The following HDAC2 variants were observed in gnomAD, a reference collection of about 807,000 sequenced individuals.
HDAC2 encodes histone deacetylase 2.
Under a neutral mutation model 68.5 loss-of-function variants are expected in HDAC2, and 5 were observed. That is an observed-to-expected ratio of 0.07 (90% confidence interval 0.04 to 0.15). The LOEUF (loss-of-function observed/expected upper bound fraction) is 0.15, where lower values mean the gene tolerates loss of function less well. Among genes scored for constraint, HDAC2 ranks in the 10% least tolerant of loss-of-function variants. The pLI, the probability that HDAC2 is intolerant of heterozygous loss-of-function variation, is 1.00. For synonymous variants in HDAC2, 182 were observed against 191.3 expected (o/e 0.95, Z 0.40); for missense variants, 291 against 600.8 (o/e 0.48, Z 5.39).
chr6:113,947,045 C>T lies in HDAC2; in HGVS notation c.842-897G>A, dbSNP rs1342175103. ...GTATACTGTGGGAATTTTCATTAAG[C>T]ATTCTTCAATAGTTGCAACATGTGA... On this transcript the variant is annotated intron_variant, in intron 8 of 13. Transcript: ENST00000519065. 2.0e-5 allele frequency: 3 copies of T among 152,212 alleles called. No homozygotes were observed. In the East Asian group the frequency reaches 5.8e-4, roughly 29 times the overall value. 9.4% of individuals were successfully genotyped at this position (152,212 alleles called of 1,614,324 possible). A position where few individuals can be genotyped will look rare whatever the true frequency, so the allele number is the denominator to read the frequency against.
intron 1 of HDAC2, among the ~76,000 whole-genome samples, chr6:113,966,565 A>C (rs1453835203): frequency 6.6e-6 from 1 of 151,872 alleles, no homozygotes; most frequent in Non-Finnish European, 1.5e-5. Context: ...TCAAAAAAAA[A>C]AAAAAAGTAT....
intron 6 of HDAC2, among the ~76,000 whole-genome samples, chr6:113,949,844 T>C (rs971713499): frequency 6.6e-6 from 1 of 152,040 alleles, no homozygotes; most frequent in African/African-American, 2.4e-5. Flanking sequence ...CGCAATGGCG[T>C]GATCTCAGCT....
intron 5 of HDAC2, among the ~76,000 whole-genome samples, chr6:113,955,029 T>TA (rs1582488270): frequency 6.6e-6 from 1 of 152,280 alleles, no homozygotes; most frequent in East Asian, 1.9e-4. Flanking sequence ...ACTCAATAGG[T>TA]AAAAAAATTT....
chr6:113,949,310 T>C lies in HDAC2; in HGVS notation c.640-50A>G, dbSNP rs1186183025. On this transcript the variant is annotated intron_variant, in intron 6 of 13. Transcript: ENST00000519065. ...TTAGAGAATATTCTATAATAAAAAG[T>C]TTGGCATTTGTTTACTACATTTTGA... 4.2e-6 allele frequency: 5 copies of C among 1,194,704 alleles called. No homozygotes were observed. The South Asian group carries it at 5.1e-5, about 12-fold the overall frequency. The allele number at this position is 1,194,704 out of a possible 1,614,324, so 74.0% of individuals were successfully genotyped here.
intron 1 of HDAC2, chr6:113,969,680 A>G (rs942523683): frequency 1.3e-5 from 2 of 152,222 alleles, no homozygotes; most frequent in African/African-American, 4.8e-5. Context: ...GCAAGAAAAC[A>G]CAGGAAACAG....
chr6:113,943,578 C>T, intron 11 of HDAC2, 72 bp from the exon 12 acceptor site: 1 of 1,166,268 alleles, frequency 8.6e-7, no homozygotes, highest in Non-Finnish European at 1.2e-6. Context: ...CATACTCATA[C>T]AAATGCACTA....
intron 6 of HDAC2, among the ~76,000 whole-genome samples, chr6:113,952,912 T>C (rs996239892): frequency 6.6e-6 from 1 of 152,178 alleles, no homozygotes; most frequent in African/African-American, 2.4e-5. Context: ...CAGAAGAACC[T>C]AAAAAGACCT....
intron 8 of HDAC2, chr6:113,947,749 T>C (rs1264007848): frequency 6.6e-6 from 1 of 152,178 alleles, no homozygotes; most frequent in African/African-American, 2.4e-5. Flanking sequence ...ATTAATTTAA[T>C]ATCATTCCAC....
At chr6:113,941,266 C>T (rs1165387052) in intron 13 of HDAC2, among the ~76,000 whole-genome samples, 178 bp from the exon 14 acceptor site, 1 of 151,978 alleles carries the variant, frequency 6.6e-6, no homozygotes, top group Non-Finnish European at 1.5e-5. Context: ...ATAAACTATT[C>T]CAAGTTATCC....
At chr6:113,942,106 TAG>T (rs756691100) in intron 12 of HDAC2, among the ~76,000 whole-genome samples, 5 of 152,042 alleles carry the variant, frequency 3.3e-5, no homozygotes, top group Non-Finnish European at 5.9e-5. Flanking sequence ...CATCACCAAA[TAG>T]AGAGTTTATT....
intron 3 of HDAC2, among the ~76,000 whole-genome samples, chr6:113,957,921 C>G (rs1776595139): frequency 6.6e-6 from 1 of 151,908 alleles, no homozygotes; most frequent in African/African-American, 2.4e-5. Context: ...AAATTAAATA[C>G]TACATGTTCT....
intron 9 of HDAC2, 94 bp from the exon 10 acceptor site, chr6:113,945,564 C>A (rs1776247451): frequency 5.5e-6 from 4 of 731,688 alleles, no homozygotes; most frequent in South Asian, 1.5e-5. Context: ...GAAATATTTC[C>A]TAAGAAAATG....
intron 1 of HDAC2, among the ~76,000 whole-genome samples, chr6:113,960,703 TCA>T (rs569646404): frequency 8.6e-4 from 131 of 152,142 alleles, no homozygotes; most frequent in African/African-American, 2.5e-3. Flanking sequence ...AATAACAAAA[TCA>T]CAGATTTTCA....
intron 6 of HDAC2, among the ~76,000 whole-genome samples, chr6:113,950,509 C>T (rs904124316): frequency 1.3e-5 from 2 of 151,820 alleles, no homozygotes; most frequent in East Asian, 1.9e-4. Context: ...TCTCCTGTCT[C>T]GGCCTCCTGA....
At chr6:113,946,878 G>A (rs537461742) in intron 8 of HDAC2, 1 of 152,130 alleles carries the variant, frequency 6.6e-6, no homozygotes, top group South Asian at 2.1e-4. Flanking sequence ...TGTGCATACT[G>A]AAGAGTATTT....
intron 8 of HDAC2, 63 bp downstream of exon 8, chr6:113,948,916 G>A (rs371857674): frequency 6.4e-7 from 1 of 1,566,508 alleles, no homozygotes; most frequent in Non-Finnish European, 8.7e-7. Flanking sequence ...AACTTTTACG[G>A]GGAGTTCTTG....
chr6:113,965,157 G>C (rs1364824975), intron 1 of HDAC2, among the ~76,000 whole-genome samples: 1 of 152,080 alleles, frequency 6.6e-6, no homozygotes, highest in African/African-American at 2.4e-5. Flanking sequence ...ACAGTTTTGT[G>C]CAGTCCCACT....
intron 6 of HDAC2, among the ~76,000 whole-genome samples, chr6:113,950,212 A>G (rs1306751671): frequency 6.6e-6 from 1 of 152,144 alleles, no homozygotes; most frequent in Non-Finnish European, 1.5e-5. Context: ...TAAATGATAT[A>G]TACATATATT....
At chr6:113,948,927 G>C (rs1406529788) in intron 8 of HDAC2, 52 bp downstream of exon 8, 3 of 1,591,972 alleles carry the variant, frequency 1.9e-6, no homozygotes, top group Non-Finnish European at 1.7e-6. Context: ...GGAGTTCTTG[G>C]GTGGAAGAAA....
Sources: gnomAD v4.1 joint callset for allele counts (sites outside exome capture counted in the v4.1 genomes callset) on GRCh38, gnomAD v4.1.1 for gene constraint, MANE v1.5 for transcripts, NCBI Gene and HGNC (gene_info 2026-07-23, HGNC 2026-07-21) for gene names.